GREB1: variants seen among roughly 807,000 people sequenced by gnomAD.
GREB1 encodes protein GREB1.
GREB1 carries 106 observed loss-of-function variants against 200.7 expected under a neutral mutation model. The observed-to-expected ratio is 0.53, with a 90% CI of 0.45 to 0.62. GREB1 has a LOEUF of 0.62. Ranked by LOEUF, GREB1 falls within the 20% of genes least tolerant of loss-of-function variation. The pLI is 0.00. For synonymous variants in GREB1, 1,132 were observed against 1,092.4 expected, an observed-to-expected ratio of 1.04 and a Z score of -0.72; for missense variants, 2,243 against 2,556.8, an observed-to-expected ratio of 0.88 and a Z score of 2.65.
intron 15 of GREB1, among the ~76,000 whole-genome samples, chr2:11,600,055 A>C (rs1681645085): frequency 1.3e-5 from 2 of 152,200 alleles, no homozygotes; most frequent in Non-Finnish European, 2.9e-5. Context: ...ATTGTCGCAG[A>C]TCCACAGATA....
rs74441544 is a variant in GREB1, at chr2:11,578,289, C to A, written c.638-8C>A. On this transcript the variant is annotated splice_polypyrimidine_tract_variant and splice_region_variant and intron_variant, in intron 5 of 32. Transcript: ENST00000381486. ...GTTGGTTTTCACGTGTGCACCTTGCCCCCTTAGAGTTTAGAAGCCGGCAGA... is the reference window on the plus strand; with the variant it reads ...GTTGGTTTTCACGTGTGCACCTTGCACCCTTAGAGTTTAGAAGCCGGCAGA... The A allele has an allele frequency of 1.8e-3, 2,964 of 1,608,768 alleles. 56 individuals are homozygous for A. The African/African-American group carries it at 0.035, about 19-fold the overall frequency.
intron 15 of GREB1, among the ~76,000 whole-genome samples, chr2:11,600,132 G>A (rs1293292254): frequency 6.6e-6 from 1 of 152,212 alleles, no homozygotes; most frequent in Non-Finnish European, 1.5e-5. Context: ...CCATGTGTGG[G>A]CTTGGGGGAA....
At chr2:11,603,658 TC>T (rs1681982613) in intron 17 of GREB1, among the ~76,000 whole-genome samples, 1 of 152,246 alleles carries the variant, frequency 6.6e-6, no homozygotes, top group Non-Finnish European at 1.5e-5. Flanking sequence ...TAGAAATTAA[TC>T]AGGTCAGTTC....
At chr2:11,542,109 G>GTC (rs1674815502) in intron 1 of GREB1, among the ~76,000 whole-genome samples, 1 of 151,994 alleles carries the variant, frequency 6.6e-6, no homozygotes, top group Non-Finnish European at 1.5e-5. Flanking sequence ...CAGGAACTGT[G>GTC]TCTAGTTCAG....
At chr2:11,500,868 T>A (rs1673019212) in intron 1 of GREB1, among the ~76,000 whole-genome samples, 1 of 152,174 alleles carries the variant, frequency 6.6e-6, no homozygotes, top group Non-Finnish European at 1.5e-5. Context: ...GTAAGAGGAA[T>A]GGCAGAAGAA....
chr2:11,501,920 T>TTTTTTTTTTTTTTTTTTG (rs1558486277), intron 1 of GREB1, among the ~76,000 whole-genome samples: 1 of 118,028 alleles, frequency 8.5e-6, no homozygotes, highest in Non-Finnish European at 1.8e-5. Context: ...TTTTTTTTTT[T>TTTTTTTTTTTTTTTTTTG]TTTTTTTTTT....
chr2:11,512,963 G>C (rs1673392719), intron 1 of GREB1, among the ~76,000 whole-genome samples: 1 of 152,180 alleles, frequency 6.6e-6, no homozygotes, highest in Non-Finnish European at 1.5e-5. Context: ...AGGAACCGGT[G>C]GGCTGGAAAG....
At position 11,539,018 on chromosome 2, in the gene GREB1, C is replaced by T. The variant is rs55940551; in HGVS notation, c.-162+4764C>T. Among the ~76,000 whole-genome samples, 12 of 13,410 alleles carry T rather than the reference C, an allele frequency of 8.9e-4. No individual in the cohort carries two copies. The East Asian group carries it at 0.022, about 25-fold the overall frequency. 8.8% of individuals were successfully genotyped at this position (13,410 alleles called of 152,430 possible). A position where few individuals can be genotyped will look rare whatever the true frequency, so the allele number is the denominator to read the frequency against. On this transcript the variant is annotated intron_variant, in intron 1 of 32. Transcript: ENST00000381486. ...TCTCCTCCTTTCTCCCTTCTCCTCC[C>T]TTCTCTTCTCTTCTCTTCTCTTCTC...
intron 1 of GREB1, among the ~76,000 whole-genome samples, chr2:11,550,573 C>A (rs966455373): frequency 9.2e-5 from 14 of 152,198 alleles, no homozygotes; most frequent in African/African-American, 3.1e-4. Context: ...TCCCACTCTT[C>A]AGCCCTACTT....
At chr2:11,521,175 A>G (rs1244652396) in intron 1 of GREB1, among the ~76,000 whole-genome samples, 1 of 152,006 alleles carries the variant, frequency 6.6e-6, no homozygotes, top group Admixed American at 6.6e-5. Context: ...TGGTGTGACC[A>G]TAGTTCACTG....
intron 23 of GREB1, among the ~76,000 whole-genome samples, chr2:11,622,401 A>T (rs1408662636): frequency 6.6e-6 from 1 of 152,216 alleles, no homozygotes; most frequent in Non-Finnish European, 1.5e-5. Flanking sequence ...AAATACTCAT[A>T]GGCATTTCTC....
At chr2:11,511,560 T>G (rs969158158) in intron 1 of GREB1, among the ~76,000 whole-genome samples, 2 of 152,092 alleles carry the variant, frequency 1.3e-5, no homozygotes, top group African/African-American at 4.8e-5. Flanking sequence ...TTGGAGAACT[T>G]GGATGTCTCC....
At chr2:11,595,405 C>A in intron 12 of GREB1, 26 bp downstream of exon 12, 1 of 1,608,082 alleles carries the variant, frequency 6.2e-7, no homozygotes, top group East Asian at 2.2e-5. Flanking sequence ...GACAGGTGCA[C>A]ATGCGTATGT....
intron 25 of GREB1, among the ~76,000 whole-genome samples, chr2:11,628,664 C>T (rs1243329521): frequency 6.6e-6 from 1 of 152,122 alleles, no homozygotes; most frequent in South Asian, 2.1e-4. Context: ...CATGAAAACA[C>T]GTCCTTGATT....
At chr2:11,505,471 A>T (rs1016757763) in intron 1 of GREB1, among the ~76,000 whole-genome samples, 1 of 152,058 alleles carries the variant, frequency 6.6e-6, no homozygotes, top group Non-Finnish European at 1.5e-5. Context: ...GCTCTTCTAT[A>T]CTTCCCTGAG....
chr2:11,606,154 A>C (rs2148274899), intron 17 of GREB1, among the ~76,000 whole-genome samples: 1 of 152,376 alleles, frequency 6.6e-6, no homozygotes, highest in South Asian at 2.1e-4. Flanking sequence ...ACATGTAAGC[A>C]AAAGTCAACT....
At chr2:11,578,695 C>T (rs1348900209) in intron 6 of GREB1, among the ~76,000 whole-genome samples, 1 of 152,126 alleles carries the variant, frequency 6.6e-6, no homozygotes, top group Admixed American at 6.5e-5. Context: ...TCTGCAGCAC[C>T]CCCCACCCCA....
At chr2:11,560,185 A>G (rs1405906749) in intron 2 of GREB1, among the ~76,000 whole-genome samples, 1 of 152,228 alleles carries the variant, frequency 6.6e-6, no homozygotes, top group Non-Finnish European at 1.5e-5. Flanking sequence ...TCAGATGCAC[A>G]GAGAGGTTAA....
chr2:11,501,895 GTTTTTTTTTGTTTTTTTTTT>G (rs1483430874), intron 1 of GREB1, among the ~76,000 whole-genome samples: 19 of 45,566 alleles, frequency 4.2e-4, no homozygotes, highest in East Asian at 3.2e-3. Context: ...TGGATTTCCT[GTTTTTTTTTGTTTTTTTTTT>G]TTTTTTTTTT....
Sources: allele counts gnomAD v4.1 joint callset (sites outside exome capture counted in the v4.1 genomes callset), GRCh38; gene constraint gnomAD v4.1.1; transcripts MANE v1.5; gene names NCBI Gene and HGNC (gene_info 2026-07-23, HGNC 2026-07-21).